LRP1B: variants seen among roughly 807,000 people sequenced by gnomAD.
The protein encoded by LRP1B is low-density lipoprotein receptor-related protein 1B.
In LRP1B, 217 loss-of-function variants were observed where a neutral mutation model predicts 556.6. The ratio of observed to expected loss-of-function variants is 0.39; its 90% CI spans 0.35 to 0.44. The LOEUF (loss-of-function observed/expected upper bound fraction) is 0.44. LRP1B is among the 20% of genes least tolerant of loss of function. LRP1B has a pLI of 1.00. For synonymous variants in LRP1B, 2,047 were observed against 1,865.8 expected, an observed-to-expected ratio of 1.10 and a Z score of -2.50; for missense variants, 5,053 against 5,620.8, an observed-to-expected ratio of 0.90 and a Z score of 3.23.
chr2:140,434,259 G>A (rs765114670), intron 66 of LRP1B, among the ~76,000 whole-genome samples: 5 of 151,664 alleles, frequency 3.3e-5, no homozygotes, highest in Non-Finnish European at 1.5e-5. Context: ...TAGTACAGAC[G>A]GGGTTTCACC....
At chr2:141,732,708 A>G (rs17745405) in intron 2 of LRP1B, among the ~76,000 whole-genome samples, 2,433 of 152,220 alleles carry the variant, frequency 0.016, 23 homozygotes, top group Non-Finnish European at 0.026. Context: ...TAGCCATAGA[A>G]TTTTCCTCAG....
chr2:141,262,257 AAGAG>A (rs1426249794), intron 3 of LRP1B, among the ~76,000 whole-genome samples: 3 of 147,256 alleles, frequency 2.0e-5, no homozygotes, highest in African/African-American at 7.6e-5. Context: ...TGAGCTCTGA[AAGAG>A]AGAGAGCGAG....
chr2:140,931,190 C>A (rs943923150), intron 20 of LRP1B, among the ~76,000 whole-genome samples: 2 of 152,074 alleles, frequency 1.3e-5, no homozygotes, highest in African/African-American at 2.4e-5. Flanking sequence ...TGCAGTCAAG[C>A]CTAAGTCTTT....
At chr2:141,159,718 A>T (rs1474189559) in intron 7 of LRP1B, among the ~76,000 whole-genome samples, 1 of 152,230 alleles carries the variant, frequency 6.6e-6, no homozygotes, top group African/African-American at 2.4e-5. Flanking sequence ...AGCCTCTGAA[A>T]ATGACAGGAA....
chr2:141,314,476 A>C (rs1686923336), intron 3 of LRP1B, among the ~76,000 whole-genome samples: 2 of 152,074 alleles, frequency 1.3e-5, no homozygotes, highest in Admixed American at 6.6e-5. Context: ...AAAGCAACTA[A>C]ACTGAGATTA....
intron 43 of LRP1B, among the ~76,000 whole-genome samples, chr2:140,577,376 G>A (rs1490460521): frequency 1.3e-5 from 2 of 151,742 alleles, no homozygotes; most frequent in Admixed American, 6.6e-5. Context: ...CCAGCTACTC[G>A]GGAGGCTGAG....
At position 140,872,848 on chromosome 2, in the gene LRP1B, C is replaced by T. The variant is rs1214494211; in HGVS notation, c.4170-4585G>A. Among the ~76,000 whole-genome samples, 3 of 146,156 alleles carry T rather than the reference C, an allele frequency of 2.1e-5. No individual in the cohort carries two copies. In the South Asian group the frequency reaches 6.5e-4, roughly 32 times the overall value. Reference sequence around the variant, plus strand: ...TTATCATGAATCTGAAAGTCTAAGACAAGAAAAAAAAAAGGTCTTTATGAA... The same window carrying T: ...TTATCATGAATCTGAAAGTCTAAGATAAGAAAAAAAAAAGGTCTTTATGAA... On this transcript the variant is annotated intron_variant, in intron 25 of 90. Coordinates refer to ENST00000389484, the MANE Select transcript of LRP1B (RefSeq NM_018557.3).
intron 10 of LRP1B, among the ~76,000 whole-genome samples, chr2:141,052,803 A>G (rs75428448): frequency 0.036 from 5,481 of 151,788 alleles, 259 homozygotes; most frequent in East Asian, 0.14. Flanking sequence ...ATGCCTGTCT[A>G]ATTTTTGTAG....
At chr2:140,858,693 C>G (rs1475622631) in intron 27 of LRP1B, among the ~76,000 whole-genome samples, 6 of 151,954 alleles carry the variant, frequency 3.9e-5, no homozygotes, top group Admixed American at 3.3e-4. Flanking sequence ...AGGTTTTAAA[C>G]CTAGTATCCA....
chr2:140,530,138 G>A (rs965707025), intron 47 of LRP1B, among the ~76,000 whole-genome samples: 3 of 152,002 alleles, frequency 2.0e-5, no homozygotes, highest in Non-Finnish European at 4.4e-5. Context: ...TTTACAGATG[G>A]CTCCACCATA....
In LRP1B at chr2:141,862,486, G is replaced by A. The variant is rs148873816; in HGVS notation, c.83-52085C>T. On this transcript the variant is annotated intron_variant, in intron 1 of 90. Coordinates refer to ENST00000389484, the MANE Select transcript of LRP1B (RefSeq NM_018557.3). ...TAATGTTGTACAAATCTCGGCTCAC[G>A]GCAACCTCCGCCTCCCAGTTCAAGC... 3.0e-3 allele frequency among the ~76,000 whole-genome samples: 454 copies of A among 152,068 alleles called. 5 individuals carry two copies. The highest frequency in any genetic ancestry group is 0.011 in the African/African-American group (436 of 41,490).
chr2:141,042,631 T>C (rs895371300), intron 11 of LRP1B, among the ~76,000 whole-genome samples: 4 of 152,088 alleles, frequency 2.6e-5, no homozygotes, highest in African/African-American at 9.7e-5. Flanking sequence ...TGAGTCTCAA[T>C]TTCCAATCTA....
intron 2 of LRP1B, among the ~76,000 whole-genome samples, chr2:141,783,611 C>T (rs191511893): frequency 4.5e-4 from 69 of 151,714 alleles, no homozygotes; most frequent in African/African-American, 1.6e-3. Context: ...ATGATTTTAC[C>T]TAGTCAAGGA....
At chr2:141,860,136 A>G (rs1698190877) in intron 1 of LRP1B, among the ~76,000 whole-genome samples, 1 of 152,154 alleles carries the variant, frequency 6.6e-6, no homozygotes, top group Non-Finnish European at 1.5e-5. Context: ...ATGGCTCCTA[A>G]GAGTTTTTGT....
intron 1 of LRP1B, among the ~76,000 whole-genome samples, chr2:141,939,680 G>A (rs745826017): frequency 2.8e-4 from 43 of 151,924 alleles, no homozygotes; most frequent in Non-Finnish European, 5.2e-4. Context: ...TACTTCTCTT[G>A]TATTTGCATG....
chr2:141,490,392 T>TGTGTGTGC (rs1553520870), intron 2 of LRP1B, among the ~76,000 whole-genome samples: 18 of 151,792 alleles, frequency 1.2e-4, no homozygotes, highest in African/African-American at 4.4e-4. Flanking sequence ...TGTGTGTGTG[T>TGTGTGTGC]GTGTGTGTTT....
chr2:141,284,405 G>C (rs1194798463), intron 3 of LRP1B, among the ~76,000 whole-genome samples: 1 of 152,170 alleles, frequency 6.6e-6, no homozygotes, highest in Non-Finnish European at 1.5e-5. Flanking sequence ...AGAAAGATTG[G>C]AAATACGTAT....
intron 3 of LRP1B, among the ~76,000 whole-genome samples, chr2:141,461,660 T>C (rs1473140993): frequency 6.6e-6 from 1 of 152,190 alleles, no homozygotes; most frequent in Non-Finnish European, 1.5e-5. Flanking sequence ...AAAGCAACCA[T>C]ACTTTTGAAG....
intron 2 of LRP1B, among the ~76,000 whole-genome samples, chr2:141,497,840 C>T (rs957886380): frequency 5.3e-5 from 8 of 151,704 alleles, no homozygotes; most frequent in Admixed American, 5.3e-4. Flanking sequence ...AGACATTTAA[C>T]CTGACTTTTA....
Sources: allele counts gnomAD v4.1 joint callset (sites outside exome capture counted in the v4.1 genomes callset), GRCh38; gene constraint gnomAD v4.1.1; transcripts MANE v1.5; gene names NCBI Gene and HGNC (gene_info 2026-07-23, HGNC 2026-07-21).